MYPN: variants seen among roughly 807,000 people sequenced by gnomAD.
MYPN encodes myopalladin, also known as sarcomeric protein myopalladin, 145 kDa (MYOP).
A neutral mutation model predicts 129.4 loss-of-function variants in MYPN; 63 were observed. The observed-to-expected ratio is 0.49, with a 90% confidence interval of 0.40 to 0.60. MYPN has a LOEUF of 0.60. Ranked by LOEUF, MYPN falls within the 20% of genes least tolerant of loss-of-function variation. MYPN has a pLI of 0.00. For missense variants in MYPN, 1,596 were observed against 1,635.4 expected (o/e 0.98, Z 0.42); for synonymous variants, 629 against 600.9 (o/e 1.05, Z -0.68).
At chr10:68,114,549 A>T (rs376689232) in intron 1 of MYPN, among the ~76,000 whole-genome samples, 107 of 152,158 alleles carry the variant, frequency 7.0e-4, no homozygotes, top group Middle Eastern at 3.4e-3. Flanking sequence ...GGGTTTCACC[A>T]TGTTGACCAG....
At chr10:68,117,290 C>A (rs1053285783) in intron 1 of MYPN, among the ~76,000 whole-genome samples, 11 of 148,786 alleles carry the variant, frequency 7.4e-5, no homozygotes, top group East Asian at 2.0e-4. Flanking sequence ...CACATAAATT[C>A]AAAAAAAAAA....
intron 18 of MYPN, among the ~76,000 whole-genome samples, chr10:68,203,769 G>A (rs1351177982): frequency 3.4e-5 from 5 of 147,772 alleles, no homozygotes; most frequent in Middle Eastern, 3.4e-3. Flanking sequence ...CTCAACTTAC[G>A]ATGGACTTAC....
upstream of MYPN, among the ~76,000 whole-genome samples, chr10:68,104,305 A>T (rs1254488797): frequency 6.6e-6 from 1 of 152,220 alleles, no homozygotes; most frequent in Non-Finnish European, 1.5e-5. Context: ...AGATCCTGGC[A>T]TATTGGCATA....
intron 15 of MYPN, among the ~76,000 whole-genome samples, chr10:68,196,044 A>G (rs1298641016): frequency 6.6e-6 from 1 of 152,042 alleles, no homozygotes; most frequent in Non-Finnish European, 1.5e-5. Context: ...GCCTCAAGCA[A>G]TCCTCCTGCC....
intron 2 of MYPN, among the ~76,000 whole-genome samples, chr10:68,139,082 C>A (rs926704905): frequency 6.6e-6 from 1 of 152,174 alleles, no homozygotes; most frequent in Admixed American, 6.5e-5. Context: ...AGCCCTTCTT[C>A]CTCCTGCTCC....
chr10:68,102,803 A>G (rs1406111607), upstream of MYPN, among the ~76,000 whole-genome samples: 6 of 152,202 alleles, frequency 3.9e-5, no homozygotes, highest in Admixed American at 1.3e-4. Flanking sequence ...GTGGACTTAT[A>G]ATAGATTTAT....
intron 1 of MYPN, among the ~76,000 whole-genome samples, chr10:68,092,903 G>C (rs1181456743): frequency 6.6e-6 from 1 of 152,198 alleles, no homozygotes; most frequent in Non-Finnish European, 1.5e-5. Flanking sequence ...GTGAGAGATA[G>C]AGCTGGGGCT....
intron 12 of MYPN, among the ~76,000 whole-genome samples, chr10:68,183,289 C>A (rs1465784117): frequency 6.6e-6 from 1 of 152,006 alleles, no homozygotes; most frequent in Non-Finnish European, 1.5e-5. Flanking sequence ...GGCGAAACCC[C>A]ATCTACAAAA....
At chr10:68,176,112 T>C (rs868857514) in intron 12 of MYPN, among the ~76,000 whole-genome samples, 4 of 152,282 alleles carry the variant, frequency 2.6e-5, no homozygotes, top group South Asian at 4.1e-4. Context: ...GCTTAAAAGT[T>C]TGATCACCAG....
At chr10:68,154,086 A>C (rs1392261721) in intron 6 of MYPN, among the ~76,000 whole-genome samples, 1 of 152,204 alleles carries the variant, frequency 6.6e-6, no homozygotes, top group Non-Finnish European at 1.5e-5. Flanking sequence ...GTGGGATTCC[A>C]AAACTAGTTC....
chr10:68,106,108 A>C (rs1478010170), upstream of MYPN: 1 of 453,304 alleles, frequency 2.2e-6, no homozygotes, highest in Non-Finnish European at 4.4e-6. Flanking sequence ...TGTGTCTGAC[A>C]CAAGTTAGGC....
Position 68,187,483 on chromosome 10 carries a change from T to TGA in MYPN, c.2704-1419_2704-1418dup, listed in dbSNP as rs367814862. 1.7e-4 allele frequency among the ~76,000 whole-genome samples: 26 copies of TGA among 152,320 alleles called. 2 individuals carry two copies. The highest frequency in any genetic ancestry group is 5.3e-4 in the African/African-American group (22 of 41,576). Reference sequence around the variant, plus strand: ...AACCTGATTTTCATGGTAGACAGTGTGAGAAACATTGGTTTAATCACTCAA... The same window carrying TGA: ...AACCTGATTTTCATGGTAGACAGTGTGAGAGAAACATTGGTTTAATCACTCAA... On this transcript the variant is annotated intron_variant, in intron 12 of 19. Transcript: ENST00000358913.
intron 1 of MYPN, among the ~76,000 whole-genome samples, chr10:68,091,832 C>CT (rs545336787): frequency 1.2e-4 from 18 of 146,756 alleles, no homozygotes; most frequent in Admixed American, 2.1e-4. Context: ...TTTATTAGAA[C>CT]TTTTTTTTTT....
rs75110292 is a variant in MYPN, at chr10:68,149,644, C to T, written c.1246-396C>T. On this transcript the variant is annotated intron_variant, in intron 5 of 19. Coordinates refer to ENST00000358913, the MANE Select transcript of MYPN (RefSeq NM_032578.4). Reference sequence around the variant, plus strand: ...GATCAATGTATTTAAATATATTTATCTACAACCTCTTTTTAAAAATTATCC... The same window carrying T: ...GATCAATGTATTTAAATATATTTATTTACAACCTCTTTTTAAAAATTATCC... Among the ~76,000 whole-genome samples, 375 of 152,208 alleles carry T rather than the reference C, an allele frequency of 2.5e-3. 11 individuals carry two copies. In the East Asian group the frequency reaches 0.066, roughly 27 times the overall value.
At chr10:68,168,480 A>G (rs2134175498) in intron 10 of MYPN, among the ~76,000 whole-genome samples, 1 of 152,278 alleles carries the variant, frequency 6.6e-6, no homozygotes, top group East Asian at 1.9e-4. Context: ...ACTGCGGCCC[A>G]GGGAAATACA....
chr10:68,128,961 T>C (rs2042367738), intron 2 of MYPN, among the ~76,000 whole-genome samples: 1 of 151,916 alleles, frequency 6.6e-6, no homozygotes, highest in African/African-American at 2.4e-5. Context: ...GAGATAAGCA[T>C]AGAGAGAGAC....
At chr10:68,094,894 T>C (rs943874520) in intron 1 of MYPN, among the ~76,000 whole-genome samples, 15 of 152,000 alleles carry the variant, frequency 9.9e-5, no homozygotes, top group Non-Finnish European at 2.2e-4. Flanking sequence ...AATCCCTGTC[T>C]CCACTAAAAT....
chr10:68,125,632 T>C (rs1438165036), intron 2 of MYPN, among the ~76,000 whole-genome samples: 1 of 152,198 alleles, frequency 6.6e-6, no homozygotes, highest in East Asian at 1.9e-4. Context: ...ATAATCCTAA[T>C]TTTTATAGTA....
intron 19 of MYPN, 67 bp from the exon 20 acceptor site, chr10:68,210,219 A>C: frequency 1.3e-6 from 2 of 1,571,616 alleles, no homozygotes; most frequent in Non-Finnish European, 8.7e-7. Flanking sequence ...GACAGAATGC[A>C]CCTCTGCAGC....
Sources: allele counts gnomAD v4.1 joint callset (sites outside exome capture counted in the v4.1 genomes callset), GRCh38; gene constraint gnomAD v4.1.1; transcripts MANE v1.5; gene names NCBI Gene and HGNC (gene_info 2026-07-23, HGNC 2026-07-21).